Variants in SERP2 observed in about 807,000 individuals in gnomAD.
The protein encoded by SERP2 is stress-associated endoplasmic reticulum protein 2.
Under a neutral mutation model 9.1 loss-of-function variants are expected in SERP2, and 6 were observed. That is an observed-to-expected ratio of 0.66 (90% CI 0.36 to 1.30). SERP2 has a LOEUF of 1.30. SERP2 is among the 50% of genes most tolerant of loss of function. The probability of loss-of-function intolerance (pLI) is 0.03; values close to 1 mark genes in which losing one functional copy is unlikely to be tolerated. For missense variants in SERP2, 58 were observed against 81.9 expected (o/e 0.71, Z 1.13); for synonymous variants, 37 against 27.3 (o/e 1.35, Z -1.10).
chr13:44,376,338 C>T (rs1214644102), intron 1 of SERP2, among the ~76,000 whole-genome samples: 2 of 152,152 alleles, frequency 1.3e-5, no homozygotes, highest in Non-Finnish European at 2.9e-5. Context: ...TAAATGGGAA[C>T]AAGTATAGAT....
chr13:44,374,337 T>G (rs2138774019), intron 1 of SERP2, among the ~76,000 whole-genome samples: 1 of 152,260 alleles, frequency 6.6e-6, no homozygotes, highest in Admixed American at 6.5e-5. Context: ...GTGGCCCCTC[T>G]GGGAGTGGCT....
At position 44,382,206 on chromosome 13, in the gene SERP2, G is replaced by C. The variant is rs189883776; in HGVS notation, c.157+2493G>C. On this transcript the variant is annotated intron_variant, in intron 2 of 2. Transcript: ENST00000379179. ...GTAATCCCAGCATTTGGGAGGCCGAGGCGGGCGGATCATGAGGTCAGGAGA... is the reference window on the plus strand; with the variant it reads ...GTAATCCCAGCATTTGGGAGGCCGACGCGGGCGGATCATGAGGTCAGGAGA... Among the ~76,000 whole-genome samples, 19 of 151,976 alleles carry C rather than the reference G, an allele frequency of 1.3e-4. No individual in the cohort carries two copies. In the East Asian group the frequency reaches 3.3e-3, roughly 26 times the overall value.
At chr13:44,378,038 C>A (rs1168803964) in intron 1 of SERP2, among the ~76,000 whole-genome samples, 2 of 152,148 alleles carry the variant, frequency 1.3e-5, no homozygotes, top group Non-Finnish European at 2.9e-5. Flanking sequence ...TGTGGCCATA[C>A]AAGTGACGAG....
chr13:44,391,965 G>A (rs956180615), intron 2 of SERP2, among the ~76,000 whole-genome samples: 1 of 151,736 alleles, frequency 6.6e-6, no homozygotes, highest in African/African-American at 2.4e-5. Context: ...GGGAGGCCGA[G>A]GCGGGTGGAT....
intron 2 of SERP2, 133 bp from the exon 3 acceptor site, chr13:44,397,139 G>C (rs1029819623): frequency 2.8e-6 from 2 of 716,946 alleles, no homozygotes; most frequent in African/African-American, 3.5e-5. Context: ...TTAACTCCTT[G>C]TTAGGAAATA....
Position 44,397,575 on chromosome 13 carries a change from T to C in SERP2, c.*263T>C. ...TAGCCACGCGGGTCGTCCGCAGCAG[T>C]GCTGTTTTTTTGGTTTTTCCCTTGG... On this transcript the variant is annotated 3_prime_UTR_variant, in exon 3 of 3. Transcript: ENST00000379179. 3.7e-6 allele frequency: 2 copies of C among 541,566 alleles called. No homozygotes were observed. Among genetic ancestry groups the C allele is most frequent in the South Asian group, 4.2e-5 (2 of 48,050 alleles). The allele number at this position is 541,566 out of a possible 1,614,324, so 33.5% of individuals were successfully genotyped here. A position where few individuals can be genotyped will look rare whatever the true frequency, so the allele number is the denominator to read the frequency against.
chr13:44,383,833 G>A (rs1872164537), intron 2 of SERP2, among the ~76,000 whole-genome samples: 1 of 151,726 alleles, frequency 6.6e-6, no homozygotes, highest in African/African-American at 2.4e-5. Context: ...TTACAGGCAT[G>A]AGCCAATGCG....
At chr13:44,374,185 G>A (rs1871493375) in intron 1 of SERP2, 76 bp downstream of exon 1, 1 of 864,170 alleles carries the variant, frequency 1.2e-6, no homozygotes. Context: ...GGCGGGGCCG[G>A]GCGGGTAGCG....
intron 2 of SERP2, chr13:44,396,015 C>T (rs1460941328): frequency 3.6e-6 from 1 of 280,842 alleles, no homozygotes; most frequent in Non-Finnish European, 7.1e-6. Context: ...TACTGGTTTT[C>T]ATTATGGTGA....
intron 2 of SERP2, among the ~76,000 whole-genome samples, chr13:44,396,558 C>T (rs1221314224): frequency 6.6e-6 from 1 of 152,160 alleles, no homozygotes; most frequent in East Asian, 1.9e-4. Flanking sequence ...ATCTTCCGCT[C>T]CTGGGACACA....
At chr13:44,377,507 A>G (rs539418992) in intron 1 of SERP2, among the ~76,000 whole-genome samples, 1 of 152,348 alleles carries the variant, frequency 6.6e-6, no homozygotes, top group East Asian at 1.9e-4. Flanking sequence ...AAAAAATGGC[A>G]CAGTTATCTT....
At chr13:44,390,502 C>T in intron 2 of SERP2, 1 of 454,626 alleles carries the variant, frequency 2.2e-6, no homozygotes, top group South Asian at 1.6e-5. Flanking sequence ...TGAGGCCATT[C>T]ATCTGCTCTG....
At position 44,379,693 on chromosome 13, in the gene SERP2, T is replaced by C; in HGVS notation, c.137T>C (p.Val46Ala). Residue 46 changes from valine to alanine, a missense_variant, in exon 2 of 3, where the codon GTT (valine) becomes GCT (alanine). Coordinates refer to ENST00000379179, the MANE Select transcript of SERP2 (RefSeq NM_001010897.3). ...GGACCATGGCTGTTGGCACTGTTTG[T>C]TTTTGTTGTCTGTGGCTCAGGTATG... ...PVGPWLLALF[V>A]FVVCGSAIFQ... 1 of 1,612,834 alleles carries C rather than the reference T, an allele frequency of 6.2e-7. No individual in the cohort carries two copies. Among genetic ancestry groups the C allele is most frequent in the Non-Finnish European group, 8.5e-7 (1 of 1,179,234 alleles).
intron 2 of SERP2, among the ~76,000 whole-genome samples, chr13:44,381,106 G>A (rs561205066): frequency 3.3e-5 from 5 of 152,128 alleles, no homozygotes; most frequent in South Asian, 2.1e-4. Context: ...ATTTGGCAGC[G>A]CATGCCTGTA....
chr13:44,395,587 G>C (rs965940572), intron 2 of SERP2, among the ~76,000 whole-genome samples: 2 of 128,572 alleles, frequency 1.6e-5, no homozygotes, highest in Admixed American at 8.9e-5. Context: ...CTGGGCGACA[G>C]AGGAAGACTC....
chr13:44,376,626 T>G (rs754351557), intron 1 of SERP2, among the ~76,000 whole-genome samples: 1 of 151,914 alleles, frequency 6.6e-6, no homozygotes, highest in Non-Finnish European at 1.5e-5. Flanking sequence ...AATACAAAAA[T>G]TAGCCAGGCA....
In SERP2 at chr13:44,373,953, G is replaced by C. The variant is rs1053078655; in HGVS notation, c.-73G>C. On this transcript the variant is annotated 5_prime_UTR_variant, in exon 1 of 3. Coordinates refer to ENST00000379179, the MANE Select transcript of SERP2 (RefSeq NM_001010897.3). This position sits in a 1 kb window ranked among gnomAD's most constrained non-coding sequence, Gnocchi z 4.8. ...TGGGCCGCGGGGGCCTCGGCGGGACGCGCTCGGCCCTGTCGCAGGAGCTAA... is the reference window on the plus strand; with the variant it reads ...TGGGCCGCGGGGGCCTCGGCGGGACCCGCTCGGCCCTGTCGCAGGAGCTAA... 5.2e-5 allele frequency: 73 copies of C among 1,393,112 alleles called. No homozygotes were observed. The Middle Eastern group carries it at 7.5e-4, about 14-fold the overall frequency. 86.3% of individuals were successfully genotyped at this position (1,393,112 alleles called of 1,614,324 possible). A position where few individuals can be genotyped will look rare whatever the true frequency, so the allele number is the denominator to read the frequency against.
chr13:44,373,963 C>A lies in SERP2; in HGVS notation c.-63C>A. On this transcript the variant is annotated 5_prime_UTR_variant, in exon 1 of 3. The change creates a new upstream start codon in the 5' untranslated region. Transcript: ENST00000379179. The surrounding 1 kb of genome is among the most constrained non-coding windows in gnomAD (Gnocchi z 4.8). ...GGGCCTCGGCGGGACGCGCTCGGCC[C>A]TGTCGCAGGAGCTAACGCAGGGGGA... is the stretch of plus-strand genomic sequence containing the variant. 11 of 1,465,372 alleles carry A rather than the reference C, an allele frequency of 7.5e-6. No homozygotes were observed. The South Asian group carries it at 1.2e-4, about 16-fold the overall frequency. 90.8% of individuals were successfully genotyped at this position (1,465,372 alleles called of 1,614,324 possible). A position where few individuals can be genotyped will look rare whatever the true frequency, so the allele number is the denominator to read the frequency against.
chr13:44,392,800 T>C (rs1346093655), intron 2 of SERP2, among the ~76,000 whole-genome samples: 1 of 152,072 alleles, frequency 6.6e-6, no homozygotes, highest in African/African-American at 2.4e-5. Context: ...GGGCTGGAGA[T>C]ACACATTTGT....
Sources: allele counts gnomAD v4.1 joint callset (sites outside exome capture counted in the v4.1 genomes callset), GRCh38; gene constraint gnomAD v4.1.1; non-coding constraint Gnocchi (gnomAD v3.1); transcripts MANE v1.5; gene names NCBI Gene and HGNC (gene_info 2026-07-23, HGNC 2026-07-21).